CRTAC1: variants seen among roughly 807,000 people sequenced by gnomAD.
CRTAC1 encodes the protein acidic secreted protein in cartilage.
A neutral mutation model predicts 67.8 loss-of-function variants in CRTAC1; 37 were observed. The ratio of observed to expected loss-of-function variants is 0.55; its 90% CI spans 0.42 to 0.72. The LOEUF (loss-of-function observed/expected upper bound fraction) is 0.72, where lower values mean the gene tolerates loss of function less well. Ranked by LOEUF, CRTAC1 falls within the 30% of genes least tolerant of loss-of-function variation. The probability of loss-of-function intolerance (pLI) is 0.00; values close to 1 mark genes in which losing one functional copy is unlikely to be tolerated. For synonymous variants in CRTAC1, 348 were observed against 371.0 expected (o/e 0.94, Z 0.71); for missense variants, 780 against 931.6 (o/e 0.84, Z 2.12).
chr10:97,920,070 G>C (rs180798507), intron 4 of CRTAC1, among the ~76,000 whole-genome samples: 1 of 152,090 alleles, frequency 6.6e-6, no homozygotes, highest in African/African-American at 2.4e-5. Flanking sequence ...CTTGATTAGG[G>C]GAGAACTTTG....
At chr10:97,939,485 A>C (rs78120614) in intron 2 of CRTAC1, among the ~76,000 whole-genome samples, 2 of 152,080 alleles carry the variant, frequency 1.3e-5, no homozygotes, top group Non-Finnish European at 1.5e-5. Flanking sequence ...CTACAGATAC[A>C]AAGCCAGACC....
At chr10:97,995,475 T>C (rs1842546144) in intron 2 of CRTAC1, among the ~76,000 whole-genome samples, 1 of 152,222 alleles carries the variant, frequency 6.6e-6, no homozygotes, top group East Asian at 1.9e-4. Context: ...TTCTTGGTGA[T>C]AGAAAGAACA....
At chr10:97,878,797 A>G in intron 14 of CRTAC1, 1 of 1,022,000 alleles carries the variant, frequency 9.8e-7, no homozygotes, top group Non-Finnish European at 1.3e-6. Context: ...CTCTCTTGTC[A>G]TCTACATTAG....
At chr10:97,965,013 A>G (rs1207015504) in intron 2 of CRTAC1, among the ~76,000 whole-genome samples, 1 of 152,110 alleles carries the variant, frequency 6.6e-6, no homozygotes, top group African/African-American at 2.4e-5. Flanking sequence ...CTCTCCTTCT[A>G]TTCAACATGC....
At chr10:97,965,757 C>G (rs1377404127) in intron 2 of CRTAC1, among the ~76,000 whole-genome samples, 1 of 152,160 alleles carries the variant, frequency 6.6e-6, no homozygotes, top group African/African-American at 2.4e-5. Flanking sequence ...CCTGCTTTTC[C>G]CTGGGCTGTG....
intron 1 of CRTAC1, among the ~76,000 whole-genome samples, chr10:98,018,072 A>G (rs2136701873): frequency 6.6e-6 from 1 of 151,280 alleles, no homozygotes; most frequent in African/African-American, 2.4e-5. Flanking sequence ...GGTAAGGGGC[A>G]CCGCCTGTAA....
intron 3 of CRTAC1, among the ~76,000 whole-genome samples, chr10:97,926,838 A>G (rs914181557): frequency 6.6e-6 from 1 of 152,198 alleles, no homozygotes; most frequent in Non-Finnish European, 1.5e-5. Context: ...AGGCAGTGGC[A>G]GGCTTGCTAT....
intron 14 of CRTAC1, 75 bp downstream of exon 14, chr10:97,880,174 C>A: frequency 6.5e-7 from 1 of 1,541,162 alleles, no homozygotes. Flanking sequence ...GGACCTTGAT[C>A]TGGGGCCTAC....
Position 98,005,100 on chromosome 10 carries a change from A to ATATT in CRTAC1, c.224+6037_224+6038insAATA. Reference sequence around the variant, plus strand: ...GTAATACATATATATATATATATATATTTTTTTTTTTTTTTTTTTTTGAGA... The same window carrying ATATT: ...GTAATACATATATATATATATATATATATTTTTTTTTTTTTTTTTTTTTTTGAGA... On this transcript the variant is annotated intron_variant, in intron 2 of 14. Transcript: ENST00000370597. Among the ~76,000 whole-genome samples the ATATT allele has an allele frequency of 2.6e-3, 128 of 48,872 alleles. 1 individual carries two copies. The highest frequency in any genetic ancestry group is 3.2e-3 in the Non-Finnish European group (93 of 28,962). 32.1% of individuals were successfully genotyped at this position (48,872 alleles called of 152,430 possible). A position where few individuals can be genotyped will look rare whatever the true frequency, so the allele number is the denominator to read the frequency against.
In CRTAC1 at chr10:97,895,418, A is replaced by G; in HGVS notation, c.1318-5T>C. ...CAGCCAGTTGTTGTTGAAGCCCTGC[A>G]GAGAGGGTGAGAGGCAGACACCCGG... On this transcript the variant is annotated splice_region_variant and splice_polypyrimidine_tract_variant and intron_variant, in intron 10 of 14. Transcript: ENST00000370597. This position sits in a 1 kb window ranked among gnomAD's most constrained non-coding sequence, Gnocchi z 4.2. The G allele has an allele frequency of 2.5e-6, 4 of 1,587,472 alleles. No individual in the cohort carries two copies. The highest frequency in any genetic ancestry group is 3.4e-6 in the Non-Finnish European group (4 of 1,168,030).
At chr10:97,927,926 C>T (rs1476220789) in intron 3 of CRTAC1, among the ~76,000 whole-genome samples, 9 of 152,214 alleles carry the variant, frequency 5.9e-5, no homozygotes, top group African/African-American at 9.6e-5. Context: ...CCTTCTGGCT[C>T]CTTGTAGCTG....
At chr10:98,024,795 CCACACACACACACA>C (rs112213274) in intron 1 of CRTAC1, among the ~76,000 whole-genome samples, 6 of 118,514 alleles carry the variant, frequency 5.1e-5, no homozygotes, top group Admixed American at 9.4e-5. Context: ...CACCTCTCCA[CCACACACACACACA>C]CACACACACA....
intron 3 of CRTAC1, among the ~76,000 whole-genome samples, chr10:97,932,272 G>A (rs765170621): frequency 2.0e-5 from 3 of 152,210 alleles, no homozygotes; most frequent in Non-Finnish European, 4.4e-5. Flanking sequence ...GACTAGAACG[G>A]CTATTGTGTG....
intron 2 of CRTAC1, among the ~76,000 whole-genome samples, chr10:97,967,882 G>A (rs1025429345): frequency 6.6e-6 from 1 of 152,120 alleles, no homozygotes; most frequent in African/African-American, 2.4e-5. Context: ...TGAAACAGAA[G>A]TGCCATATAA....
chr10:97,930,751 C>T (rs2050991183), intron 3 of CRTAC1, among the ~76,000 whole-genome samples: 1 of 152,062 alleles, frequency 6.6e-6, no homozygotes. Flanking sequence ...ATCCAAATAC[C>T]CTTCTCTCTA....
At chr10:97,906,601 C>T (rs2050616094) in intron 6 of CRTAC1, among the ~76,000 whole-genome samples, 1 of 152,164 alleles carries the variant, frequency 6.6e-6, no homozygotes, top group Non-Finnish European at 1.5e-5. Context: ...CTATTCCCTC[C>T]CCTTTGCTTT....
chr10:97,964,795 CT>C (rs1288033380), intron 2 of CRTAC1, among the ~76,000 whole-genome samples: 1 of 152,160 alleles, frequency 6.6e-6, no homozygotes, highest in Non-Finnish European at 1.5e-5. Context: ...CTTGATGTTC[CT>C]GAAATGATCA....
At chr10:97,952,577 G>T in intron 2 of CRTAC1, among the ~76,000 whole-genome samples, 1 of 141,372 alleles carries the variant, frequency 7.1e-6, no homozygotes. Context: ...GCAAATTCTA[G>T]AGCACTACCC....
intron 11 of CRTAC1, among the ~76,000 whole-genome samples, chr10:97,885,994 AC>A (rs1590181378): frequency 1.3e-5 from 2 of 152,368 alleles, no homozygotes; most frequent in East Asian, 3.9e-4. Context: ...AATGATAGCT[AC>A]TATGGGGTGG....
Sources: allele counts gnomAD v4.1 joint callset (sites outside exome capture counted in the v4.1 genomes callset), GRCh38; gene constraint gnomAD v4.1.1; non-coding constraint Gnocchi (gnomAD v3.1); transcripts MANE v1.5; gene names NCBI Gene and HGNC (gene_info 2026-07-23, HGNC 2026-07-21).